The following GTF2F2 variants were observed in gnomAD, a reference collection of about 807,000 sequenced individuals.
The protein encoded by GTF2F2 is ATP-dependent helicase GTF2F2.
GTF2F2 carries 23 observed loss-of-function variants against 42.2 expected under a neutral mutation model. The observed-to-expected ratio is 0.55, with a 90% confidence interval of 0.39 to 0.77. The LOEUF is 0.77. Among genes scored for constraint, GTF2F2 ranks in the 30% least tolerant of loss-of-function variants. The pLI is 0.00. For synonymous variants in GTF2F2, 105 were observed against 100.8 expected (o/e 1.04, Z -0.25); for missense variants, 261 against 287.2 (o/e 0.91, Z 0.66).
chr13:45,249,218 C>T (rs5029138), intron 5 of GTF2F2, among the ~76,000 whole-genome samples: 49,395 of 151,702 alleles, frequency 0.33, 10,200 homozygotes, highest in African/African-American at 0.59. Flanking sequence ...CGATTCAAAG[C>T]GAGTTAAAGT....
At chr13:45,270,848 T>A (rs1876758024) in intron 7 of GTF2F2, among the ~76,000 whole-genome samples, 1 of 152,216 alleles carries the variant, frequency 6.6e-6, no homozygotes, top group African/African-American at 2.4e-5. Context: ...TTTGAAGATA[T>A]AAACCATTAA....
chr13:45,228,272 C>T (rs1566142408), intron 5 of GTF2F2, among the ~76,000 whole-genome samples: 1 of 110,810 alleles, frequency 9.0e-6, no homozygotes, highest in Non-Finnish European at 1.9e-5. Flanking sequence ...CTTATTGCTG[C>T]CAGAGTTAAT....
intron 4 of GTF2F2, among the ~76,000 whole-genome samples, chr13:45,189,102 T>TC (rs1872533930): frequency 6.6e-6 from 1 of 152,108 alleles, no homozygotes; most frequent in South Asian, 2.1e-4. Context: ...CCTCCCTGTG[T>TC]CCAAGTGTTC....
At chr13:45,244,646 A>G (rs1314983278) in intron 5 of GTF2F2, among the ~76,000 whole-genome samples, 2 of 152,320 alleles carry the variant, frequency 1.3e-5, no homozygotes, top group East Asian at 3.9e-4. Context: ...CCAAGGTTAT[A>G]CAATGATAGT....
At chr13:45,136,877 G>A in intron 2 of GTF2F2, 71 bp downstream of exon 2, 1 of 833,770 alleles carries the variant, frequency 1.2e-6, no homozygotes, top group East Asian at 2.5e-5. Flanking sequence ...TTTTAAAAGT[G>A]ATTATAATTT....
intron 4 of GTF2F2, among the ~76,000 whole-genome samples, chr13:45,179,751 A>G (rs1872056661): frequency 6.6e-6 from 1 of 152,076 alleles, no homozygotes; most frequent in African/African-American, 2.4e-5. Context: ...ATACTTTAAG[A>G]TTTTATTAAG....
At chr13:45,230,683 T>C (rs1874629872) in intron 5 of GTF2F2, among the ~76,000 whole-genome samples, 1 of 152,248 alleles carries the variant, frequency 6.6e-6, no homozygotes, top group Non-Finnish European at 1.5e-5. Context: ...TACAGTGATA[T>C]GTTATACATA....
chr13:45,158,327 C>A (rs560620722), intron 4 of GTF2F2, among the ~76,000 whole-genome samples: 20 of 152,284 alleles, frequency 1.3e-4, no homozygotes, highest in African/African-American at 4.8e-4. Flanking sequence ...GTAAGACATG[C>A]CTTTTGCCTT....
chr13:45,146,520 C>T (rs1870201649), intron 2 of GTF2F2, among the ~76,000 whole-genome samples: 1 of 152,000 alleles, frequency 6.6e-6, no homozygotes, highest in Non-Finnish European at 1.5e-5. Flanking sequence ...AAAACAAAAC[C>T]AACAAGAGCC....
In GTF2F2 at chr13:45,262,845, A is replaced by G. The variant is rs952106808; in HGVS notation, c.487-4388A>G. 2.6e-5 allele frequency among the ~76,000 whole-genome samples: 4 copies of G among 152,162 alleles called. No individual in the cohort carries two copies. The South Asian group carries it at 6.2e-4, about 24-fold the overall frequency. On this transcript the variant is annotated intron_variant, in intron 6 of 7. Coordinates refer to ENST00000340473, the MANE Select transcript of GTF2F2 (RefSeq NM_004128.3). ...CTGCAGCCTCAACTTCTTGGGCTCA[A>G]GTAATCCTCCTGCCTTAGCCTCCTG...
At chr13:45,163,256 A>G (rs1439015451) in intron 4 of GTF2F2, among the ~76,000 whole-genome samples, 2 of 152,168 alleles carry the variant, frequency 1.3e-5, no homozygotes, top group African/African-American at 2.4e-5. Flanking sequence ...GATTCATTGT[A>G]TACTTAAGAT....
chr13:45,242,394 G>A (rs1311148599), intron 5 of GTF2F2, among the ~76,000 whole-genome samples: 1 of 149,730 alleles, frequency 6.7e-6, no homozygotes, highest in Admixed American at 6.8e-5. Context: ...CCCTGCAAAT[G>A]TCAGCCTCCG....
At chr13:45,242,831 T>C (rs1015481195) in intron 5 of GTF2F2, among the ~76,000 whole-genome samples, 27 of 152,222 alleles carry the variant, frequency 1.8e-4, no homozygotes, top group Non-Finnish European at 3.8e-4. Flanking sequence ...AGAAATGAGA[T>C]AAATGGAGGA....
chr13:45,230,608 T>C (rs1226617280), intron 5 of GTF2F2, among the ~76,000 whole-genome samples: 1 of 152,184 alleles, frequency 6.6e-6, no homozygotes, highest in Non-Finnish European at 1.5e-5. Flanking sequence ...AGTCTGGTAG[T>C]TTTATGAAAA....
chr13:45,274,320 A>G (rs1876928450), intron 7 of GTF2F2, among the ~76,000 whole-genome samples: 1 of 140,408 alleles, frequency 7.1e-6, no homozygotes, highest in Non-Finnish European at 1.5e-5. Context: ...AGTACAAATT[A>G]TACTTTTTTT....
At chr13:45,126,245 C>CTTTT (rs11383296) in intron 1 of GTF2F2, among the ~76,000 whole-genome samples, 26 of 100,644 alleles carry the variant, frequency 2.6e-4, no homozygotes, top group Admixed American at 4.3e-4. Context: ...GGAAGAACGA[C>CTTTT]TTTTTTTTTT....
intron 4 of GTF2F2, among the ~76,000 whole-genome samples, chr13:45,156,576 G>C (rs1028824781): frequency 4.7e-4 from 72 of 152,304 alleles, no homozygotes; most frequent in African/African-American, 1.6e-3. Context: ...TAGAACATGG[G>C]ATAATAGAGG....
intron 4 of GTF2F2, among the ~76,000 whole-genome samples, chr13:45,154,024 C>G (rs1382689925): frequency 2.3e-5 from 3 of 132,300 alleles, no homozygotes; most frequent in African/African-American, 8.7e-5. Flanking sequence ...TTAGTTTCAA[C>G]AACTTTATTC....
chr13:45,227,501 A>G (rs1874418737), intron 5 of GTF2F2, among the ~76,000 whole-genome samples: 1 of 152,234 alleles, frequency 6.6e-6, no homozygotes, highest in Admixed American at 6.5e-5. Context: ...TGTACCCTTT[A>G]TCTACAGCTT....
Sources: gnomAD v4.1 joint callset for allele counts (sites outside exome capture counted in the v4.1 genomes callset) on GRCh38, gnomAD v4.1.1 for gene constraint, MANE v1.5 for transcripts, NCBI Gene and HGNC (gene_info 2026-07-23, HGNC 2026-07-21) for gene names.